The following ANKS1B variants were observed in gnomAD, a reference collection of about 807,000 sequenced individuals.
The protein encoded by ANKS1B is ankyrin repeat and sterile alpha motif domain containing 1B, also known as ankyrin repeat and sterile alpha motif domain-containing protein 1B.
Under a neutral mutation model 148.3 loss-of-function variants are expected in ANKS1B, and 36 were observed. That is an observed-to-expected ratio of 0.24 (90% confidence interval 0.19 to 0.32). The LOEUF (loss-of-function observed/expected upper bound fraction) is 0.32. ANKS1B is among the 10% of genes least tolerant of loss of function. The probability of loss-of-function intolerance (pLI) is 1.00; values close to 1 mark genes in which losing one functional copy is unlikely to be tolerated. For synonymous variants in ANKS1B, 542 were observed against 560.8 expected (o/e 0.97, Z 0.47); for missense variants, 1,157 against 1,542.6 (o/e 0.75, Z 4.19).
intron 17 of ANKS1B, among the ~76,000 whole-genome samples, chr12:98,959,505 G>T (rs7139028): frequency 0.49 from 74,499 of 152,036 alleles, 20,077 homozygotes; most frequent in African/African-American, 0.73. Context: ...GATAATAACA[G>T]GGGCTCTGGG....
intron 4 of ANKS1B, among the ~76,000 whole-genome samples, chr12:99,785,833 G>A (rs2064961775): frequency 6.6e-6 from 1 of 152,150 alleles, no homozygotes; most frequent in Admixed American, 6.5e-5. Context: ...AATGTGATCT[G>A]ACTGTATCTT....
chr12:99,890,067 C>A (rs887824780), intron 1 of ANKS1B, among the ~76,000 whole-genome samples: 1 of 152,044 alleles, frequency 6.6e-6, no homozygotes, highest in African/African-American at 2.4e-5. Flanking sequence ...CTCCCCCAGT[C>A]CTATGAAAAG....
intron 10 of ANKS1B, among the ~76,000 whole-genome samples, chr12:99,465,803 G>C (rs1176491446): frequency 1.3e-5 from 2 of 152,100 alleles, no homozygotes; most frequent in East Asian, 3.8e-4. Context: ...CAAGTCCTAA[G>C]TGACCTACAA....
In ANKS1B at chr12:99,874,022, C is replaced by CATATATATATATATATAT. The variant is rs150860727; in HGVS notation, c.135-48651_135-48634dup. The stretch of plus-strand genomic sequence containing the variant: ...TAAATCTCTCTCTCTCTCTCTCTCA[C>CATATATATATATATATAT]ATATATATATATATATATCCTGTTG... On this transcript the variant is annotated intron_variant, in intron 1 of 26. Coordinates refer to ENST00000683438, the MANE Select transcript of ANKS1B (RefSeq NM_001352186.2). Among the ~76,000 whole-genome samples, 69 of 137,904 alleles carry CATATATATATATATATAT rather than the reference C, an allele frequency of 5.0e-4. 2 individuals are homozygous for CATATATATATATATATAT. Among genetic ancestry groups the CATATATATATATATATAT allele is most frequent in the African/African-American group, 2.1e-3 (65 of 31,536 alleles). 90.5% of individuals were successfully genotyped at this position (137,904 alleles called of 152,430 possible).
chr12:99,492,446 G>A (rs945539424), intron 10 of ANKS1B, among the ~76,000 whole-genome samples: 2 of 152,060 alleles, frequency 1.3e-5, no homozygotes, highest in African/African-American at 4.8e-5. Flanking sequence ...TGACTAGACT[G>A]ATTCACAGCC....
intron 1 of ANKS1B, among the ~76,000 whole-genome samples, chr12:99,862,063 C>T (rs972622273): frequency 3.3e-4 from 50 of 152,184 alleles, no homozygotes; most frequent in African/African-American, 9.9e-4. Flanking sequence ...ATTGTAATAG[C>T]TCTAGAACTA....
chr12:99,897,519 T>C (rs1461217450), intron 1 of ANKS1B, among the ~76,000 whole-genome samples: 1 of 151,168 alleles, frequency 6.6e-6, no homozygotes, highest in Non-Finnish European at 1.5e-5. Context: ...ACACAAAAGA[T>C]TGGTGTAAAC....
rs191003035 is a variant in ANKS1B at position 99,727,570 on chromosome 12, T to C, written c.1128+45352A>G. On this transcript the variant is annotated intron_variant, in intron 8 of 26. Transcript: ENST00000683438. ...GTGAAAATGGCCATTCTGCCCAAAGTAATTTATAGATTCAATGCTATTCCC... is the reference window on the plus strand; with the variant it reads ...GTGAAAATGGCCATTCTGCCCAAAGCAATTTATAGATTCAATGCTATTCCC... Among the ~76,000 whole-genome samples, 303 of 152,308 alleles carry C rather than the reference T, an allele frequency of 2.0e-3. 5 individuals are homozygous for C. Among genetic ancestry groups the C allele is most frequent in the Admixed American group, 0.018 (281 of 15,300 alleles).
chr12:99,790,126 AAACAAAT>A (rs2065469356), intron 4 of ANKS1B, among the ~76,000 whole-genome samples: 1 of 152,208 alleles, frequency 6.6e-6, no homozygotes, highest in Non-Finnish European at 1.5e-5. Context: ...AAGAGAAAAT[AAACAAAT>A]AACATACAAT....
chr12:99,470,374 T>C (rs2096220648), intron 10 of ANKS1B, among the ~76,000 whole-genome samples: 3 of 152,116 alleles, frequency 2.0e-5, no homozygotes, highest in African/African-American at 7.2e-5. Flanking sequence ...AGTGACTATC[T>C]TTAATGCTTT....
chr12:98,896,127 G>A (rs2099764291), intron 17 of ANKS1B, among the ~76,000 whole-genome samples: 1 of 152,100 alleles, frequency 6.6e-6, no homozygotes, highest in Admixed American at 6.5e-5. Flanking sequence ...TTGGAATGGC[G>A]GTACTTTAAG....
intron 1 of ANKS1B, among the ~76,000 whole-genome samples, chr12:99,960,870 C>T (rs1310119292): frequency 6.6e-6 from 1 of 152,068 alleles, no homozygotes; most frequent in Non-Finnish European, 1.5e-5. Flanking sequence ...TACAGCATTG[C>T]TATTAACACA....
chr12:98,988,027 T>G (rs1038919018), intron 17 of ANKS1B, among the ~76,000 whole-genome samples: 1 of 152,234 alleles, frequency 6.6e-6, no homozygotes, highest in Non-Finnish European at 1.5e-5. Flanking sequence ...ATTTATTGCA[T>G]GCAACATGAT....
chr12:99,516,284 A>G (rs1463761348), intron 9 of ANKS1B, among the ~76,000 whole-genome samples: 1 of 152,114 alleles, frequency 6.6e-6, no homozygotes, highest in African/African-American at 2.4e-5. Context: ...TCATAGTTTG[A>G]CATCTTGGAT....
At chr12:98,965,682 G>T (rs113646455) in intron 17 of ANKS1B, among the ~76,000 whole-genome samples, 80 of 152,094 alleles carry the variant, frequency 5.3e-4, no homozygotes, top group East Asian at 2.5e-3. Flanking sequence ...ACAGCATGGT[G>T]CTGGTACCAA....
intron 1 of ANKS1B, among the ~76,000 whole-genome samples, chr12:99,859,556 T>A: frequency 6.6e-6 from 1 of 152,340 alleles, no homozygotes; most frequent in South Asian, 2.1e-4. Flanking sequence ...TAACTATTAT[T>A]AAACTTCATA....
chr12:99,658,039 T>A (rs1049575207), intron 8 of ANKS1B, among the ~76,000 whole-genome samples: 1 of 152,156 alleles, frequency 6.6e-6, no homozygotes, highest in African/African-American at 2.4e-5. Flanking sequence ...TTTAGCCCTT[T>A]TACTTTTTCA....
chr12:99,014,639 T>A (rs1448274595), intron 17 of ANKS1B, among the ~76,000 whole-genome samples: 4 of 152,192 alleles, frequency 2.6e-5, no homozygotes, highest in Non-Finnish European at 5.9e-5. Flanking sequence ...AAACGTCTAA[T>A]ATCCAGCATC....
intron 9 of ANKS1B, chr12:99,649,477 A>T: frequency 8.6e-7 from 1 of 1,158,690 alleles, no homozygotes; most frequent in Non-Finnish European, 1.3e-6. Flanking sequence ...TGCCTGATGA[A>T]GGGGCAGGGT....
Sources: gnomAD v4.1 joint callset for allele counts (sites outside exome capture counted in the v4.1 genomes callset) on GRCh38, gnomAD v4.1.1 for gene constraint, MANE v1.5 for transcripts, NCBI Gene and HGNC (gene_info 2026-07-23, HGNC 2026-07-21) for gene names.